Variants in CHFR observed in about 807,000 individuals in gnomAD.
CHFR encodes E3 ubiquitin-protein ligase CHFR.
In CHFR, 57 loss-of-function variants were observed where a neutral mutation model predicts 87.6. The ratio of observed to expected loss-of-function variants is 0.65; its 90% CI spans 0.53 to 0.81. The LOEUF is 0.81. Among genes scored for constraint, CHFR ranks in the 30% least tolerant of loss-of-function variants. CHFR has a pLI of 0.00. For synonymous variants in CHFR, 381 were observed against 359.2 expected (o/e 1.06, Z -0.69); for missense variants, 797 against 865.8 (o/e 0.92, Z 1.00).
chr12:132,847,024 A>G lies in CHFR; in HGVS notation c.1735+19T>C, dbSNP rs1950846056. 1 of 1,583,758 alleles carries G rather than the reference A, an allele frequency of 6.3e-7. No individual in the cohort carries two copies. The highest frequency in any genetic ancestry group is 1.7e-5 in the Admixed American group (1 of 59,938). ...ACACTCACATGCGCCTTAGAGCAGGAGGCAACAGAAGAACTCACCAGACAG... is the reference window on the plus strand; with the variant it reads ...ACACTCACATGCGCCTTAGAGCAGGGGGCAACAGAAGAACTCACCAGACAG... On this transcript the variant is annotated intron_variant, in intron 15 of 17. Transcript: ENST00000450056.
rs1950643172 is a variant in CHFR, at chr12:132,835,931, GA to G, written c.*5622del. 2 of 185,116 alleles carry G rather than the reference GA, an allele frequency of 1.1e-5. No homozygotes were observed. Among genetic ancestry groups the G allele is most frequent in the Admixed American group, 9.4e-5 (1 of 10,682 alleles). 11.5% of individuals were successfully genotyped at this position (185,116 alleles called of 1,614,324 possible). A position where few individuals can be genotyped will look rare whatever the true frequency, so the allele number is the denominator to read the frequency against. ...CAGCACGGCGCACGGCACTCACAGTGACAGGCTCCCAGCACGGCGCACGGCA... is the reference window on the plus strand; with the variant it reads ...CAGCACGGCGCACGGCACTCACAGTGCAGGCTCCCAGCACGGCGCACGGCA... On this transcript the variant is annotated 3_prime_UTR_variant, in exon 18 of 18. Transcript: ENST00000450056.
At chr12:132,853,070 G>A (rs540605749) in intron 11 of CHFR, among the ~76,000 whole-genome samples, 13 of 152,322 alleles carry the variant, frequency 8.5e-5, no homozygotes, top group South Asian at 4.1e-4. Context: ...GGAGAAGCCC[G>A]CCTCTTACTT....
chr12:132,876,707 A>T (rs1229132058), intron 3 of CHFR, among the ~76,000 whole-genome samples: 1 of 152,190 alleles, frequency 6.6e-6, no homozygotes, highest in Non-Finnish European at 1.5e-5. Context: ...CCAAAGTGTC[A>T]CTAAGTGTCC....
At chr12:132,884,344 G>A (rs1034910571) in intron 2 of CHFR, among the ~76,000 whole-genome samples, 3 of 151,606 alleles carry the variant, frequency 2.0e-5, no homozygotes, top group Non-Finnish European at 4.4e-5. Context: ...GCTTGAACCC[G>A]GGAGGTTGGA....
intron 6 of CHFR, chr12:132,862,455 T>A (rs970280127): frequency 1.6e-5 from 7 of 449,902 alleles, no homozygotes; most frequent in African/African-American, 8.1e-5. Flanking sequence ...GAAAAAAAAA[T>A]TAACTAGGCG....
At chr12:132,857,864 G>A (rs139147691) in intron 8 of CHFR, among the ~76,000 whole-genome samples, 266 of 152,344 alleles carry the variant, frequency 1.7e-3, no homozygotes, top group African/African-American at 6.3e-3. Flanking sequence ...AAAGCAAGGA[G>A]GCCCTTCCTC....
intron 5 of CHFR, 125 bp downstream of exon 5, chr12:132,870,599 G>T (rs1011182786): frequency 2.0e-5 from 12 of 588,748 alleles, no homozygotes; most frequent in Non-Finnish European, 3.0e-5. Flanking sequence ...GGCGGAGGCT[G>T]CAGTGAGCTG....
At chr12:132,852,102 G>C (rs183240079) in intron 11 of CHFR, among the ~76,000 whole-genome samples, 1 of 151,494 alleles carries the variant, frequency 6.6e-6, no homozygotes, top group East Asian at 1.9e-4. Flanking sequence ...TCCTGCTTTA[G>C]CCTCCCGAGT....
At chr12:132,870,649 G>A in intron 5 of CHFR, 75 bp downstream of exon 5, 3 of 1,052,412 alleles carry the variant, frequency 2.9e-6, no homozygotes, top group East Asian at 4.9e-5. Context: ...AACAGAGCGA[G>A]ACTCCATCTC....
rs187816091 is a variant in CHFR, at chr12:132,879,627, G to A, written c.134-1973C>T. 3.3e-3 allele frequency among the ~76,000 whole-genome samples: 499 copies of A among 152,116 alleles called. 4 individuals carry two copies. Among genetic ancestry groups the A allele is most frequent in the African/African-American group, 0.012 (478 of 41,496 alleles). ...GATGGTCTCGATCTCTTGACCTCGT[G>A]ATATGCCCGCCTCGGCTTCTCAAAG... On this transcript the variant is annotated intron_variant, in intron 2 of 17. Transcript: ENST00000450056.
At chr12:132,862,178 G>A (rs1951224365) in intron 6 of CHFR, among the ~76,000 whole-genome samples, 1 of 152,162 alleles carries the variant, frequency 6.6e-6, no homozygotes, top group Non-Finnish European at 1.5e-5. Context: ...AAGAGGCTGA[G>A]GCAGAAAAAT....
chr12:132,887,482 C>G (rs2137088163), intron 1 of CHFR, 65 bp downstream of exon 1: 1 of 431,082 alleles, frequency 2.3e-6, no homozygotes, highest in Non-Finnish European at 3.1e-6. Flanking sequence ...CGGGCGCCCC[C>G]TCCCACGGCC....
At chr12:132,841,889 T>C (rs1157069986) in intron 17 of CHFR, among the ~76,000 whole-genome samples, 1 of 152,006 alleles carries the variant, frequency 6.6e-6, no homozygotes, top group African/African-American at 2.4e-5. Context: ...GGCGGATCAC[T>C]TGAGGTCAGG....
chr12:132,847,785 A>C, intron 14 of CHFR: 2 of 1,278,800 alleles, frequency 1.6e-6, no homozygotes, highest in South Asian at 3.4e-5. Flanking sequence ...AGAAGCCCTC[A>C]CCGAGAGCTG....
At position 132,853,380 on chromosome 12, in the gene CHFR, G is replaced by A. The variant is rs776748296; in HGVS notation, c.1372+51C>T. 27 of 1,444,190 alleles carry A rather than the reference G, an allele frequency of 1.9e-5. No individual in the cohort carries two copies. In the Admixed American group the frequency reaches 2.1e-4, roughly 11 times the overall value. The allele number at this position is 1,444,190 out of a possible 1,614,324, so 89.5% of individuals were successfully genotyped here. On this transcript the variant is annotated intron_variant, in intron 11 of 17. Transcript: ENST00000450056. ...CACGTGCACGTCAGCACCGGGCACA[G>A]CCACAAAGTGACTCACGCGAAGGCT...
intron 2 of CHFR, among the ~76,000 whole-genome samples, chr12:132,884,648 G>C (rs1394618367): frequency 1.3e-5 from 2 of 152,094 alleles, no homozygotes; most frequent in Non-Finnish European, 2.9e-5. Flanking sequence ...CTCTTAAGAG[G>C]AGGCAGAGAG....
At position 132,859,153 on chromosome 12, in the gene CHFR, C is replaced by A; in HGVS notation, c.826G>T (p.Val276Phe). The change falls in exon 8 of 18, where the codon GTC (valine) becomes TTC (phenylalanine). Residue 276 changes from valine to phenylalanine, a missense_variant. By Grantham distance (50) the Val-to-Phe change is conservative. Around this residue, in one of 2 missense-constraint regions of CHFR, gnomAD observed 597 missense variants for 601.2 expected, o/e 0.99. Coordinates refer to ENST00000450056, the MANE Select transcript of CHFR (RefSeq NM_001161346.2). ...RRNAQTVHED[V>F]RAAAGKPDKM... ...TCTGGCTTCCCAGCCGCTGCTCTGACGTCCTCGTGGACGGTTTGGGCATTT... is the reference window on the plus strand; with the variant it reads ...TCTGGCTTCCCAGCCGCTGCTCTGAAGTCCTCGTGGACGGTTTGGGCATTT... 1.2e-6 allele frequency: 2 copies of A among 1,614,116 alleles called. No individual in the cohort carries two copies. Among genetic ancestry groups the A allele is most frequent in the Non-Finnish European group, 1.7e-6 (2 of 1,180,002 alleles).
intron 15 of CHFR, among the ~76,000 whole-genome samples, chr12:132,845,914 T>C (rs1239298518): frequency 6.6e-6 from 1 of 152,192 alleles, no homozygotes; most frequent in Non-Finnish European, 1.5e-5. Context: ...AGTAACAGTA[T>C]GAACCTGTGA....
At chr12:132,870,259 G>A (rs1396165081) in intron 5 of CHFR, among the ~76,000 whole-genome samples, 5 of 152,140 alleles carry the variant, frequency 3.3e-5, no homozygotes, top group Non-Finnish European at 7.3e-5. Flanking sequence ...GGCTGAGGCA[G>A]GAGAATGGCA....
Sources: gnomAD v4.1 joint callset for allele counts (sites outside exome capture counted in the v4.1 genomes callset) on GRCh38, gnomAD v4.1.1 for gene constraint, gnomAD v4.1.1 regional missense constraint, MANE v1.5 for transcripts, NCBI Gene and HGNC (gene_info 2026-07-23, HGNC 2026-07-21) for gene names.